The following SORCS2 variants were observed in gnomAD, a reference collection of about 807,000 sequenced individuals.
SORCS2 encodes the protein VPS10 domain-containing receptor SorCS2.
Under a neutral mutation model 141.6 loss-of-function variants are expected in SORCS2, and 100 were observed. That is an observed-to-expected ratio of 0.71 (90% CI 0.60 to 0.83). SORCS2 has a LOEUF of 0.83. Ranked by LOEUF, SORCS2 falls within the 40% of genes least tolerant of loss-of-function variation. SORCS2 has a pLI of 0.00. For missense variants in SORCS2, 1,646 were observed against 1,560.2 expected (o/e 1.05, Z -0.93); for synonymous variants, 789 against 676.9 (o/e 1.17, Z -2.57).
chr4:7,469,234 G>C (rs1040690760), intron 2 of SORCS2, among the ~76,000 whole-genome samples: 1 of 150,616 alleles, frequency 6.6e-6, no homozygotes, highest in East Asian at 1.9e-4. Flanking sequence ...GGTGGTGATA[G>C]TGATGATGGT....
At chr4:7,369,751 C>T (rs753778590) in intron 1 of SORCS2, among the ~76,000 whole-genome samples, 5 of 152,190 alleles carry the variant, frequency 3.3e-5, no homozygotes, top group Non-Finnish European at 7.3e-5. Context: ...TCTCCCTCCC[C>T]GTGGAGCAGA....
At chr4:7,605,434 C>T (rs992313193) in intron 3 of SORCS2, among the ~76,000 whole-genome samples, 1 of 152,176 alleles carries the variant, frequency 6.6e-6, no homozygotes, top group Non-Finnish European at 1.5e-5. Flanking sequence ...GCACCTGCCA[C>T]CTGCTACTCC....
chr4:7,214,632 G>C (rs2108750182), intron 1 of SORCS2, among the ~76,000 whole-genome samples: 1 of 152,362 alleles, frequency 6.6e-6, no homozygotes, highest in African/African-American at 2.4e-5. Context: ...CAGGATCTCA[G>C]TTCCCAGGGT....
chr4:7,354,449 A>G (rs906487535), intron 1 of SORCS2, among the ~76,000 whole-genome samples: 1 of 151,776 alleles, frequency 6.6e-6, no homozygotes, highest in Non-Finnish European at 1.5e-5. Flanking sequence ...AGTGAAAGAG[A>G]GACAACAAGG....
chr4:7,375,485 G>C (rs1245576768), intron 1 of SORCS2, among the ~76,000 whole-genome samples: 1 of 152,180 alleles, frequency 6.6e-6, no homozygotes, highest in African/African-American at 2.4e-5. Flanking sequence ...GCAAGATCTG[G>C]TATGGCTGGG....
At chr4:7,541,591 C>CAG (rs1712665944) in intron 3 of SORCS2, among the ~76,000 whole-genome samples, 2 of 152,160 alleles carry the variant, frequency 1.3e-5, no homozygotes, top group Admixed American at 1.3e-4. Flanking sequence ...CTCGGGGGCG[C>CAG]CCAGGCAGCC....
At chr4:7,562,824 C>T (rs1402669019) in intron 3 of SORCS2, among the ~76,000 whole-genome samples, 1 of 152,166 alleles carries the variant, frequency 6.6e-6, no homozygotes, top group African/African-American at 2.4e-5. Context: ...TCTGCAGCTG[C>T]CTTTTTGTAT....
rs925809359 is a variant in SORCS2 at position 7,217,230 on chromosome 4, C to T, written c.480+24104C>T. 6.6e-5 allele frequency among the ~76,000 whole-genome samples: 10 copies of T among 152,268 alleles called. No individual in the cohort carries two copies. In the East Asian group the frequency reaches 1.4e-3, roughly 21 times the overall value. On this transcript the variant is annotated intron_variant, in intron 1 of 26. Coordinates refer to ENST00000507866, the MANE Select transcript of SORCS2 (RefSeq NM_020777.3). ...GGCCTGGAACCTTCCATCTCACCCC[C>T]GCCTTTCTGGCGCTTGCCCCACTGC...
At chr4:7,414,428 G>A (rs1725529640) in intron 2 of SORCS2, among the ~76,000 whole-genome samples, 1 of 152,206 alleles carries the variant, frequency 6.6e-6, no homozygotes, top group Admixed American at 6.5e-5. Flanking sequence ...CTAGGCAGTG[G>A]GAGCCGCGGG....
At chr4:7,291,934 C>T (rs151023806) in intron 1 of SORCS2, among the ~76,000 whole-genome samples, 78 of 152,350 alleles carry the variant, frequency 5.1e-4, no homozygotes, top group African/African-American at 1.4e-3. Flanking sequence ...ACTGGGAATG[C>T]GGCCACACAG....
intron 19 of SORCS2, among the ~76,000 whole-genome samples, chr4:7,724,401 ATAG>A (rs750776324): frequency 2.0e-4 from 25 of 127,198 alleles, no homozygotes; most frequent in Admixed American, 5.5e-4. Flanking sequence ...GGTGATGGTG[ATAG>A]TAGTGGTGGG....
chr4:7,671,234 C>G (rs912520863), intron 8 of SORCS2, among the ~76,000 whole-genome samples: 1 of 151,990 alleles, frequency 6.6e-6, no homozygotes, highest in African/African-American at 2.4e-5. Flanking sequence ...CCAGAGTTAC[C>G]ATATTATTAA....
intron 3 of SORCS2, among the ~76,000 whole-genome samples, chr4:7,608,710 G>A (rs147873547): frequency 1.2e-4 from 18 of 152,304 alleles, no homozygotes; most frequent in African/African-American, 4.3e-4. Flanking sequence ...TGTGCCATCT[G>A]TGGGCTGCCC....
chr4:7,682,539 A>G (rs1173945552), intron 9 of SORCS2, among the ~76,000 whole-genome samples: 3 of 152,152 alleles, frequency 2.0e-5, no homozygotes, highest in Non-Finnish European at 2.9e-5. Context: ...CTAGCTTCCC[A>G]CTAAAACTGG....
chr4:7,576,353 A>G (rs969969619), intron 3 of SORCS2, among the ~76,000 whole-genome samples: 5 of 152,244 alleles, frequency 3.3e-5, no homozygotes, highest in African/African-American at 9.6e-5. Context: ...AATCACTTTT[A>G]GAAGACCATT....
intron 4 of SORCS2, among the ~76,000 whole-genome samples, chr4:7,653,432 G>A (rs916743153): frequency 2.6e-5 from 4 of 152,078 alleles, no homozygotes; most frequent in Non-Finnish European, 2.9e-5. Flanking sequence ...TAGTAGAGGC[G>A]GGGTTTCTCC....
intron 3 of SORCS2, among the ~76,000 whole-genome samples, chr4:7,603,741 C>G (rs1717884795): frequency 6.6e-6 from 1 of 152,094 alleles, no homozygotes; most frequent in African/African-American, 2.4e-5. Flanking sequence ...ATAGTGAGGT[C>G]ATCATGCTCT....
intron 19 of SORCS2, among the ~76,000 whole-genome samples, chr4:7,724,889 T>G (rs200597739): frequency 0.11 from 4,274 of 37,500 alleles, 517 homozygotes; most frequent in East Asian, 0.17. Flanking sequence ...GGTGGTGGTG[T>G]TGGTGATGGT....
chr4:7,454,909 C>CTG (rs1179353051), intron 2 of SORCS2, among the ~76,000 whole-genome samples: 9 of 110,530 alleles, frequency 8.1e-5, no homozygotes, highest in Admixed American at 3.7e-4. Context: ...GGGTCAGGCA[C>CTG]TGTGTTGGGG....
Sources: gnomAD v4.1 joint callset for allele counts (sites outside exome capture counted in the v4.1 genomes callset) on GRCh38, gnomAD v4.1.1 for gene constraint, MANE v1.5 for transcripts, NCBI Gene and HGNC (gene_info 2026-07-23, HGNC 2026-07-21) for gene names.